Variants in KIF24 observed in about 807,000 individuals in gnomAD.
KIF24 encodes kinesin family member 24, also known as kinesin-like protein KIF24.
In KIF24, 81 loss-of-function variants were observed where a neutral mutation model predicts 118.9. The ratio of observed to expected loss-of-function variants is 0.68; its 90% CI spans 0.57 to 0.82. KIF24 has a LOEUF of 0.82. Ranked by LOEUF, KIF24 falls within the 40% of genes least tolerant of loss-of-function variation. The probability of loss-of-function intolerance (pLI) is 0.00; values close to 1 mark genes in which losing one functional copy is unlikely to be tolerated. For missense variants in KIF24, 1,560 were observed against 1,661.6 expected (o/e 0.94, Z 1.06); for synonymous variants, 599 against 610.0 (o/e 0.98, Z 0.27).
At position 34,252,715 on chromosome 9, in the gene KIF24, G is replaced by A. The variant is rs564388513; in HGVS notation, c.*1665C>T. On this transcript the variant is annotated 3_prime_UTR_variant, in exon 13 of 13. Coordinates refer to ENST00000402558, the MANE Select transcript of KIF24 (RefSeq NM_194313.4). ...GTTTGCAAAGGCAAGCCTAGACTGA[G>A]TCTTTTAAACCTGGCCCAGCTCCGT... The A allele has an allele frequency of 5.3e-5, 8 of 152,292 alleles. No homozygotes were observed. Among genetic ancestry groups the A allele is most frequent in the African/African-American group, 1.9e-4 (8 of 41,550 alleles). The allele number at this position is 152,292 out of a possible 1,614,324, so 9.4% of individuals were successfully genotyped here.
intron 3 of KIF24, among the ~76,000 whole-genome samples, chr9:34,300,970 T>C (rs765602309): frequency 7.2e-5 from 11 of 152,084 alleles, no homozygotes; most frequent in Non-Finnish European, 1.2e-4. Context: ...AAAGTGCTCA[T>C]GGATAGCTTT....
chr9:34,256,936 T>C lies in KIF24; in HGVS notation c.2671A>G (p.Ser891Gly). Residue 891 changes from serine (S) to glycine (G), a missense_variant, in exon 11 of 13, where the codon AGC (serine) becomes GGC (glycine). By Grantham distance (56) the Ser-to-Gly change is moderately conservative. Coordinates refer to ENST00000402558, the MANE Select transcript of KIF24 (RefSeq NM_194313.4). ...ATGGGGTCCCTGGAGTCCACCCAGC[T>C]TTTAGTTAGATCTTTCTTGTCACCT... ...RTGDKKDLTKSWVDSRDPINH... is the reference protein window; with the variant it reads ...RTGDKKDLTKGWVDSRDPINH... 4 of 1,613,954 alleles carry C rather than the reference T, an allele frequency of 2.5e-6. No individual in the cohort carries two copies. The highest frequency in any genetic ancestry group is 2.5e-6 in the Non-Finnish European group (3 of 1,179,878).
intron 8 of KIF24, among the ~76,000 whole-genome samples, chr9:34,267,540 T>C (rs1835339511): frequency 6.6e-6 from 1 of 152,212 alleles, no homozygotes; most frequent in African/African-American, 2.4e-5. Context: ...GCAAAACACA[T>C]ATGTAATTCT....
At position 34,316,386 on chromosome 9, in the gene KIF24, G is replaced by A. The variant is rs114868529; in HGVS notation, c.-25-5015C>T. ...TGTCTACTGTTTTGCCCAAGGCAAC[G>A]AAGTGATTAAAAGATTCCATGACAC... On this transcript the variant is annotated intron_variant, in intron 1 of 12. Transcript: ENST00000402558. Among the ~76,000 whole-genome samples, 511 of 151,312 alleles carry A rather than the reference G, an allele frequency of 3.4e-3. 6 individuals carry two copies. Among genetic ancestry groups the A allele is most frequent in the African/African-American group, 0.012 (490 of 41,276 alleles).
chr9:34,292,751 A>T (rs767917241), intron 4 of KIF24, among the ~76,000 whole-genome samples: 1 of 152,222 alleles, frequency 6.6e-6, no homozygotes, highest in Non-Finnish European at 1.5e-5. Context: ...GGCTCCCAGC[A>T]GTGTGGGTAC....
intron 4 of KIF24, among the ~76,000 whole-genome samples, chr9:34,293,424 G>T (rs543090422): frequency 6.7e-6 from 1 of 148,844 alleles, no homozygotes; most frequent in African/African-American, 2.5e-5. Context: ...AAGTTGCAGT[G>T]AGCTGAGATC....
intron 1 of KIF24, among the ~76,000 whole-genome samples, chr9:34,311,732 A>ATG (rs1837168607): frequency 6.8e-6 from 1 of 147,554 alleles, no homozygotes; most frequent in Non-Finnish European, 1.5e-5. Context: ...ATACACGTAT[A>ATG]TATATACATA....
At chr9:34,321,417 T>C (rs1381796921) in intron 1 of KIF24, among the ~76,000 whole-genome samples, 3 of 152,102 alleles carry the variant, frequency 2.0e-5, no homozygotes, top group Non-Finnish European at 4.4e-5. Flanking sequence ...AAAATTGAAA[T>C]AATGTATACA....
intron 5 of KIF24, among the ~76,000 whole-genome samples, chr9:34,288,468 A>G (rs1420874762): frequency 3.9e-5 from 6 of 151,968 alleles, no homozygotes; most frequent in African/African-American, 1.4e-4. Context: ...AGCCTGGGCG[A>G]CAGAGCAATA....
chr9:34,322,117 C>T (rs141867008), intron 1 of KIF24, among the ~76,000 whole-genome samples: 1 of 152,122 alleles, frequency 6.6e-6, no homozygotes, highest in African/African-American at 2.4e-5. Flanking sequence ...TACCCAGTTC[C>T]TGCTTTTCCT....
intron 8 of KIF24, among the ~76,000 whole-genome samples, chr9:34,264,218 T>TC (rs1835199603): frequency 6.6e-6 from 1 of 150,424 alleles, no homozygotes. Context: ...GCTCAGGAGA[T>TC]CGAGACCAGC....
chr9:34,315,611 T>C (rs1301066324), intron 1 of KIF24, among the ~76,000 whole-genome samples: 2 of 152,258 alleles, frequency 1.3e-5, no homozygotes, highest in Non-Finnish European at 2.9e-5. Flanking sequence ...TTCTGCCTTG[T>C]ACTACTGTGT....
intron 3 of KIF24, among the ~76,000 whole-genome samples, chr9:34,301,412 C>T (rs1294888320): frequency 1.3e-5 from 2 of 152,142 alleles, no homozygotes; most frequent in African/African-American, 4.8e-5. Flanking sequence ...CCACGCCCAA[C>T]TAATTTTTTG....
Position 34,275,574 on chromosome 9 carries a change from C to T in KIF24, c.1216-3644G>A, listed in dbSNP as rs186126589. On this transcript the variant is annotated intron_variant, in intron 6 of 12. Transcript: ENST00000402558. ...AGAATAACTGGGCCAGGCACAGTGG[C>T]TCCCACCTGTAATCCCAGCACTTTG... 2.6e-5 allele frequency among the ~76,000 whole-genome samples: 4 copies of T among 152,258 alleles called. No individual in the cohort carries two copies. In the East Asian group the frequency reaches 7.7e-4, roughly 29 times the overall value.
At chr9:34,264,176 C>G (rs1454041294) in intron 8 of KIF24, among the ~76,000 whole-genome samples, 2 of 151,460 alleles carry the variant, frequency 1.3e-5, no homozygotes, top group Non-Finnish European at 2.9e-5. Context: ...AATCCCAGCA[C>G]TTTGGGAGGC....
rs1021798581 is a variant in KIF24 at position 34,254,109 on chromosome 9, T to G, written c.*271A>C. On this transcript the variant is annotated 3_prime_UTR_variant, in exon 13 of 13. Coordinates refer to ENST00000402558, the MANE Select transcript of KIF24 (RefSeq NM_194313.4). Reference sequence around the variant, plus strand: ...ACAGGCAAGGGGTTAGTTAATCATATTCTCTAGGCACAAGGGAAAGGCATT... The same window carrying G: ...ACAGGCAAGGGGTTAGTTAATCATAGTCTCTAGGCACAAGGGAAAGGCATT... 1.5e-5 allele frequency: 5 copies of G among 340,832 alleles called. No homozygotes were observed. Among genetic ancestry groups the G allele is most frequent in the Non-Finnish European group, 2.6e-5 (5 of 189,140 alleles). The allele number at this position is 340,832 out of a possible 1,614,324, so 21.1% of individuals were successfully genotyped here.
chr9:34,297,732 A>T (rs1318745920), intron 3 of KIF24, among the ~76,000 whole-genome samples: 1 of 151,476 alleles, frequency 6.6e-6, no homozygotes, highest in Non-Finnish European at 1.5e-5. Flanking sequence ...ACTGCACTCC[A>T]GCCTGAGTGA....
At chr9:34,258,591 CG>C (rs943472658) in intron 10 of KIF24, among the ~76,000 whole-genome samples, 10 of 152,224 alleles carry the variant, frequency 6.6e-5, no homozygotes, top group African/African-American at 1.9e-4. Flanking sequence ...AGGCCAGAGA[CG>C]CCAGTCTCAG....
At chr9:34,319,089 T>A in intron 1 of KIF24, 2 of 1,345,746 alleles carry the variant, frequency 1.5e-6, no homozygotes, top group African/African-American at 2.9e-5. Flanking sequence ...GTGACTCGGT[T>A]CTATACCGTG....
Sources: gnomAD v4.1 joint callset for allele counts (sites outside exome capture counted in the v4.1 genomes callset) on GRCh38, gnomAD v4.1.1 for gene constraint, MANE v1.5 for transcripts, NCBI Gene and HGNC (gene_info 2026-07-23, HGNC 2026-07-21) for gene names.